The following NBEAL2 variants were observed in gnomAD, a reference collection of about 807,000 sequenced individuals.
NBEAL2 encodes neurobeachin like 2, also known as neurobeachin-like protein 2.
In NBEAL2, 160 loss-of-function variants were observed where a neutral mutation model predicts 299.8. The observed-to-expected ratio is 0.53, with a 90% CI of 0.47 to 0.61. The LOEUF (loss-of-function observed/expected upper bound fraction) is 0.61, where lower values mean the gene tolerates loss of function less well. NBEAL2 is among the 20% of genes least tolerant of loss of function. The pLI, the probability that NBEAL2 is intolerant of heterozygous loss-of-function variation, is 0.00. For missense variants in NBEAL2, 3,112 were observed against 3,649.0 expected (o/e 0.85, Z 3.79); for synonymous variants, 1,493 against 1,542.3 (o/e 0.97, Z 0.75).
chr3:46,989,476 A>T lies in NBEAL2; in HGVS notation c.474-35A>T. Reference sequence around the variant, plus strand: ...AGGGGTGACGGCCAGGAGTGGTGAGAGCCGGGCTGATGTACTTGGCCTCAC... The same window carrying T: ...AGGGGTGACGGCCAGGAGTGGTGAGTGCCGGGCTGATGTACTTGGCCTCAC... On this transcript the variant is annotated intron_variant, in intron 5 of 53. Transcript: ENST00000450053. The surrounding 1 kb of genome is among the most constrained non-coding windows in gnomAD (Gnocchi z 5.5). 1 of 1,571,034 alleles carries T rather than the reference A, an allele frequency of 6.4e-7. No individual in the cohort carries two copies. Among genetic ancestry groups the T allele is most frequent in the Non-Finnish European group, 8.6e-7 (1 of 1,158,312 alleles).
At position 46,988,718 on chromosome 3, in the gene NBEAL2, T is replaced by C; in HGVS notation, c.101T>C (p.Phe34Ser). The change falls in exon 2 of 54, where the codon TTC becomes TCC. Residue 34 changes from phenylalanine (F) to serine (S), a missense_variant. Phe to Ser is a radical substitution (Grantham distance 155). This residue lies in a region of NBEAL2 where 2,243 missense variants were observed against 2,538.1 expected (regional missense o/e 0.88). Transcript: ENST00000450053. The surrounding 1 kb of genome is among the most constrained non-coding windows in gnomAD (Gnocchi z 4.4). ...QQWLKAFVGA[F>S]KKSISLSSLE... Reference sequence around the variant, plus strand: ...TGGCTGAAGGCCTTTGTAGGTGCCTTCAAGAAGAGCATCTCACTGTCCTCT... The same window carrying C: ...TGGCTGAAGGCCTTTGTAGGTGCCTCCAAGAAGAGCATCTCACTGTCCTCT... The C allele has an allele frequency of 1.2e-6, 2 of 1,613,852 alleles. No homozygotes were observed. The highest frequency in any genetic ancestry group is 3.3e-5 in the Admixed American group (2 of 60,016).
At chr3:46,999,177 C>A in intron 24 of NBEAL2, 60 bp downstream of exon 24, 1 of 1,541,802 alleles carries the variant, frequency 6.5e-7, no homozygotes, top group South Asian at 1.2e-5. Context: ...GCCTGGGGTT[C>A]AGGGAGGTAC....
chr3:46,979,911 A>G lies in NBEAL2; in HGVS notation c.50A>G (p.Gln17Arg). The part of the protein sequence containing the change: ...LYELWLLYYA[Q>R]KDLGYLQQWL... ...GAGTTGTGGCTGCTCTACTACGCGC[A>G]GGTGAGCCCGCCCCGCCCCGCGCCC... The change falls in exon 1 of 54, where the codon CAG becomes CGG. Residue 17 changes from glutamine to arginine, a missense_variant and splice_region_variant. Physicochemically the swap from Gln to Arg is conservative, Grantham distance 43 (BLOSUM62 1). This residue lies in a region of NBEAL2 where 2,243 missense variants were observed against 2,538.1 expected (regional missense o/e 0.88). Coordinates refer to ENST00000450053, the MANE Select transcript of NBEAL2 (RefSeq NM_015175.3). 2.4e-6 allele frequency: 1 copy of G among 415,318 alleles called. No homozygotes were observed. 25.7% of individuals were successfully genotyped at this position (415,318 alleles called of 1,614,324 possible). A position where few individuals can be genotyped will look rare whatever the true frequency, so the allele number is the denominator to read the frequency against.
At position 46,989,480 on chromosome 3, in the gene NBEAL2, G is replaced by A. The variant is rs372402728; in HGVS notation, c.474-31G>A. ...GTGACGGCCAGGAGTGGTGAGAGCCGGGCTGATGTACTTGGCCTCACTGCC... is the reference window on the plus strand; with the variant it reads ...GTGACGGCCAGGAGTGGTGAGAGCCAGGCTGATGTACTTGGCCTCACTGCC... On this transcript the variant is annotated intron_variant, in intron 5 of 53. Transcript: ENST00000450053. This position sits in a 1 kb window ranked among gnomAD's most constrained non-coding sequence, Gnocchi z 5.5. 1.1e-4 allele frequency: 173 copies of A among 1,573,052 alleles called. No individual in the cohort carries two copies. Among genetic ancestry groups the A allele is most frequent in the East Asian group, 5.9e-4 (25 of 42,310 alleles).
chr3:46,998,730 C>T lies in NBEAL2; in HGVS notation c.3235C>T (p.Arg1079Cys), dbSNP rs1391100892. 3.8e-6 allele frequency: 6 copies of T among 1,575,492 alleles called. No homozygotes were observed. Among genetic ancestry groups the T allele is most frequent in the Non-Finnish European group, 5.2e-6 (6 of 1,158,360 alleles). The part of the protein sequence containing the change: ...LRTHYSPQRE[R>C]PLAADDLRTV... ...CTGACCTGCCAGCCCGCAGCGGGAG[C>T]GCCCCCTGGCTGCTGACGACCTACG... The change falls in exon 23 of 54, where the codon CGC becomes TGC. Residue 1079 changes from arginine (R) to cysteine (C), a missense_variant. Transcript: ENST00000450053.
chr3:47,004,507 C>T lies in NBEAL2; in HGVS notation c.6211C>T (p.Arg2071Cys), dbSNP rs376142971. 8.7e-6 allele frequency: 14 copies of T among 1,613,632 alleles called. No homozygotes were observed. The highest frequency in any genetic ancestry group is 2.2e-5 in the East Asian group (1 of 44,890). The change falls in exon 38 of 54, where the codon CGT (arginine) becomes TGT (cysteine). Residue 2071 changes from arginine to cysteine, a missense_variant. This residue lies in a region of NBEAL2 where 521 missense variants were observed against 729.6 expected (regional missense o/e 0.71). Coordinates refer to ENST00000450053, the MANE Select transcript of NBEAL2 (RefSeq NM_015175.3). The surrounding 1 kb of genome is among the most constrained non-coding windows in gnomAD (Gnocchi z 5.0). ...CCCCTGTCCCCAGAAATGGGTACAGCGTGAGATATCCAACTTCGAGTACTT... is the reference window on the plus strand; with the variant it reads ...CCCCTGTCCCCAGAAATGGGTACAGTGTGAGATATCCAACTTCGAGTACTT... The part of the protein sequence containing the change: ...ASGLTQKWVQ[R>C]EISNFEYLMQ...
Position 47,006,324 on chromosome 3 carries a change from T to TA in NBEAL2, c.7018-8dup, listed in dbSNP as rs781762073. On this transcript the variant is annotated splice_polypyrimidine_tract_variant and intron_variant, in intron 44 of 53. Coordinates refer to ENST00000450053, the MANE Select transcript of NBEAL2 (RefSeq NM_015175.3). Reference sequence around the variant, plus strand: ...CATGCCATGGTGCTGACCAGCCACTTACCCACAGGAGCCACATCCAACTCG... The same window carrying TA: ...CATGCCATGGTGCTGACCAGCCACTTAACCCACAGGAGCCACATCCAACTCG... 5 of 1,600,078 alleles carry TA rather than the reference T, an allele frequency of 3.1e-6. No individual in the cohort carries two copies. Among genetic ancestry groups the TA allele is most frequent in the Middle Eastern group, 1.7e-4 (1 of 6,050 alleles).
Position 46,994,023 on chromosome 3 carries a change from G to A in NBEAL2, c.1197+3G>A. The A allele has an allele frequency of 6.2e-7, 1 of 1,608,248 alleles. No homozygotes were observed. The highest frequency in any genetic ancestry group is 2.2e-5 in the East Asian group (1 of 44,648). On this transcript the variant is annotated splice_donor_region_variant and intron_variant, in intron 11 of 53. Transcript: ENST00000450053. The stretch of plus-strand genomic sequence containing the variant: ...TGAGTGACTCCCCCTCGGCCAAGGT[G>A]AGGCTGCTGCACTGCAGCTTTAGTA...
chr3:46,994,613 C>T (rs1043924025), intron 12 of NBEAL2, 60 bp downstream of exon 12: 5 of 1,417,262 alleles, frequency 3.5e-6, no homozygotes, highest in East Asian at 2.5e-5. Flanking sequence ...TCAGGGTTAC[C>T]ACAGATGGTG....
In NBEAL2 at chr3:46,993,957, C is replaced by A. The variant is rs367672629; in HGVS notation, c.1134C>A (p.Asp378Glu). The A allele has an allele frequency of 1.2e-6, 2 of 1,611,432 alleles. No homozygotes were observed. The highest frequency in any genetic ancestry group is 4.5e-5 in the East Asian group (2 of 44,822). Residue 378 changes from aspartate (D) to glutamate (E), a missense_variant, in exon 11 of 54, where the codon GAC (aspartate) becomes GAA (glutamate). Coordinates refer to ENST00000450053, the MANE Select transcript of NBEAL2 (RefSeq NM_015175.3). ...DVQKVLDQDT[D>E]AIAVHVVRVL... Reference sequence around the variant, plus strand: ...CCAAGGTCCTGGACCAAGACACAGACGCCATTGCAGTCCATGTAGTCAGAG... The same window carrying A: ...CCAAGGTCCTGGACCAAGACACAGAAGCCATTGCAGTCCATGTAGTCAGAG...
chr3:47,002,110 C>G lies in NBEAL2; in HGVS notation c.4973C>G (p.Ala1658Gly), dbSNP rs1482287525. Residue 1658 changes from alanine (A) to glycine (G), a missense_variant, in exon 31 of 54, where the codon GCA (alanine) becomes GGA (glycine). Physicochemically the swap from Ala to Gly is moderately conservative, Grantham distance 60. This residue lies in a region of NBEAL2 where 2,243 missense variants were observed against 2,538.1 expected (regional missense o/e 0.88). Coordinates refer to ENST00000450053, the MANE Select transcript of NBEAL2 (RefSeq NM_015175.3). ...GCAGCTGCAGCAGCTGCAGCAGCTGCAGAGCGCTGCTCCTGGCTGGTGCCA... is the reference window on the plus strand; with the variant it reads ...GCAGCTGCAGCAGCTGCAGCAGCTGGAGAGCGCTGCTCCTGGCTGGTGCCA... ...PLAAAAAAAA[A>G]ERCSWLVPLV... The G allele has an allele frequency of 6.4e-7, 1 of 1,550,770 alleles. No individual in the cohort carries two copies.
rs534265049 is a variant in NBEAL2 at position 47,001,532 on chromosome 3, G to A, written c.4644+94G>A. The stretch of plus-strand genomic sequence containing the variant: ...CTGGGAGGTGGATGGGTACACGTGC[G>A]CAGGTGTGGGTGCATCAGCATGAAT... On this transcript the variant is annotated intron_variant, in intron 29 of 53. Coordinates refer to ENST00000450053, the MANE Select transcript of NBEAL2 (RefSeq NM_015175.3). The surrounding 1 kb of genome is among the most constrained non-coding windows in gnomAD (Gnocchi z 6.1). 5.2e-5 allele frequency: 80 copies of A among 1,550,692 alleles called. No individual in the cohort carries two copies. The highest frequency in any genetic ancestry group is 3.1e-4 in the South Asian group (27 of 86,976).
chr3:47,005,909 G>C, intron 42 of NBEAL2, 37 bp from the exon 43 acceptor site: 3 of 1,612,398 alleles, frequency 1.9e-6, no homozygotes, highest in Non-Finnish European at 2.5e-6. Flanking sequence ...TGGGGGGTCA[G>C]CTGTCCCTGC....
Position 46,991,864 on chromosome 3 carries a change from G to A in NBEAL2, c.950G>A (p.Cys317Tyr). 6.2e-7 allele frequency: 1 copy of A among 1,601,026 alleles called. No individual in the cohort carries two copies. Among genetic ancestry groups the A allele is most frequent in the Non-Finnish European group, 8.5e-7 (1 of 1,173,942 alleles). The change falls in exon 9 of 54, where the codon TGT becomes TAT. Residue 317 changes from cysteine to tyrosine, a missense_variant. By Grantham distance (194) the Cys-to-Tyr change is radical (BLOSUM62 -2). Transcript: ENST00000450053. The surrounding 1 kb of genome is among the most constrained non-coding windows in gnomAD (Gnocchi z 6.2). ...GACGCCATCCCCATGATGCTGGCAT[G>A]TGAAGACCGGCCAGTGCTGCAAGCC... The part of the protein sequence containing the change: ...MLDAIPMMLA[C>Y]EDRPVLQATF...
rs1365409714 is a variant in NBEAL2 at position 47,002,723 on chromosome 3, A to T, written c.5380A>T (p.Thr1794Ser). The change falls in exon 33 of 54, where the codon ACG becomes TCG. Residue 1794 changes from threonine to serine, a missense_variant. Around this residue, in one of 3 missense-constraint regions of NBEAL2, gnomAD observed 2,243 missense variants for 2,538.1 expected, o/e 0.88. Transcript: ENST00000450053. ...RYTAVLKQQATQHSMALLHWG... is the reference protein window; with the variant it reads ...RYTAVLKQQASQHSMALLHWG... ...CACGGCAGTGCTGAAGCAGCAGGCAACGCAGCACTCCATGGCCCTGCTGCA... is the reference window on the plus strand; with the variant it reads ...CACGGCAGTGCTGAAGCAGCAGGCATCGCAGCACTCCATGGCCCTGCTGCA... 6.3e-7 allele frequency: 1 copy of T among 1,594,482 alleles called. No individual in the cohort carries two copies. Among genetic ancestry groups the T allele is most frequent in the Non-Finnish European group, 8.5e-7 (1 of 1,173,530 alleles).
chr3:46,994,320 C>T, intron 11 of NBEAL2, 135 bp from the exon 12 acceptor site: 1 of 811,394 alleles, frequency 1.2e-6, no homozygotes, highest in South Asian at 1.5e-5. Context: ...CCACTGCCCA[C>T]CAGCACTGTC....
chr3:47,006,901 C>T, intron 45 of NBEAL2, 165 bp from the exon 46 acceptor site: 1 of 606,968 alleles, frequency 1.6e-6, no homozygotes, highest in Non-Finnish European at 2.9e-6. Context: ...TTCTGAGATG[C>T]CCTCCTAAAG....
In NBEAL2 at chr3:47,004,104, T is replaced by C; in HGVS notation, c.5909T>C (p.Leu1970Pro). 6.2e-7 allele frequency: 1 copy of C among 1,613,008 alleles called. No homozygotes were observed. The highest frequency in any genetic ancestry group is 8.5e-7 in the Non-Finnish European group (1 of 1,179,306). The change falls in exon 37 of 54, where the codon CTG becomes CCG. Residue 1970 changes from leucine to proline, a missense_variant. Physicochemically the swap from Leu to Pro is moderately conservative, Grantham distance 98. Transcript: ENST00000450053. The surrounding 1 kb of genome is among the most constrained non-coding windows in gnomAD (Gnocchi z 5.0). ...EGIGYDFRRPLAQLREVHLRR... is the reference protein window; with the variant it reads ...EGIGYDFRRPPAQLREVHLRR... Reference sequence around the variant, plus strand: ...ATCGGCTATGATTTCCGGCGCCCACTGGCCCAGCTGCGTGAGGTCCACCTG... The same window carrying C: ...ATCGGCTATGATTTCCGGCGCCCACCGGCCCAGCTGCGTGAGGTCCACCTG...
At chr3:46,980,973 C>CTGGCCCA (rs2035289839) in intron 1 of NBEAL2, among the ~76,000 whole-genome samples, 3 of 152,194 alleles carry the variant, frequency 2.0e-5, no homozygotes, top group African/African-American at 7.2e-5. Context: ...CATAAGGAGG[C>CTGGCCCA]TGGCCCACTG....
Sources: gnomAD v4.1 joint callset for allele counts (sites outside exome capture counted in the v4.1 genomes callset) on GRCh38, gnomAD v4.1.1 for gene constraint, gnomAD v4.1.1 regional missense constraint, Gnocchi (gnomAD v3.1) non-coding constraint, MANE v1.5 for transcripts, NCBI Gene and HGNC (gene_info 2026-07-23, HGNC 2026-07-21) for gene names.